Variants in FRA10AC1 observed in about 807,000 individuals in gnomAD.
The protein encoded by FRA10AC1 is protein FRA10AC1.
In FRA10AC1, 43 loss-of-function variants were observed where a neutral mutation model predicts 56.5. The ratio of observed to expected loss-of-function variants is 0.76; its 90% CI spans 0.60 to 0.98. The LOEUF (loss-of-function observed/expected upper bound fraction) is 0.98, where lower values mean the gene tolerates loss of function less well. Among genes scored for constraint, FRA10AC1 ranks in the 50% least tolerant of loss-of-function variants. The pLI is 0.00. For synonymous variants in FRA10AC1, 112 were observed against 110.5 expected (o/e 1.01, Z -0.09); for missense variants, 346 against 351.8 (o/e 0.98, Z 0.13).
intron 10 of FRA10AC1, among the ~76,000 whole-genome samples, chr10:93,682,580 T>A (rs1404736429): frequency 6.6e-6 from 1 of 152,124 alleles, no homozygotes; most frequent in East Asian, 1.9e-4. Flanking sequence ...GCAGGAGGAC[T>A]GCTTGAGTCC....
chr10:93,669,806 G>A lies in FRA10AC1; in HGVS notation c.*20C>T, dbSNP rs368910560. ...TTCATGAAGTTTCACATTAAGGAGCGGAGGCTTCTCTCTCTCGTCTCATAG... is the reference window on the plus strand; with the variant it reads ...TTCATGAAGTTTCACATTAAGGAGCAGAGGCTTCTCTCTCTCGTCTCATAG... On this transcript the variant is annotated 3_prime_UTR_variant, in exon 14 of 14. Coordinates refer to ENST00000359204, the MANE Select transcript of FRA10AC1 (RefSeq NM_145246.5). 111 of 1,520,040 alleles carry A rather than the reference G, an allele frequency of 7.3e-5. 1 individual carries two copies. The highest frequency in any genetic ancestry group is 3.0e-4 in the South Asian group (25 of 83,372). 94.2% of individuals were successfully genotyped at this position (1,520,040 alleles called of 1,614,324 possible).
At chr10:93,699,941 GA>G (rs1564823584) in intron 2 of FRA10AC1, 88 bp downstream of exon 2, 1 of 729,946 alleles carries the variant, frequency 1.4e-6, no homozygotes, top group Non-Finnish European at 2.3e-6. Context: ...CATGTAAACA[GA>G]ATTCAAAAAT....
Position 93,694,937 on chromosome 10 carries a change from A to G in FRA10AC1, c.220T>C (p.Tyr74His). The G allele has an allele frequency of 1.4e-6, 2 of 1,415,544 alleles. No individual in the cohort carries two copies. Among genetic ancestry groups the G allele is most frequent in the Non-Finnish European group, 2.0e-6 (2 of 999,952 alleles). The allele number at this position is 1,415,544 out of a possible 1,614,324, so 87.7% of individuals were successfully genotyped here. The change falls in exon 5 of 14, where the codon TAT becomes CAT. Residue 74 changes from tyrosine (Y) to histidine (H), a missense_variant and splice_region_variant. Coordinates refer to ENST00000359204, the MANE Select transcript of FRA10AC1 (RefSeq NM_145246.5). ...TTTACGAACTTTGTATGTCTTTGAT[A>G]CTGAAATGCAAAAAATTAAGGATTT... The part of the protein sequence containing the change: ...RRFHLIAMDA[Y>H]QRHTKFVNDY...
intron 8 of FRA10AC1, among the ~76,000 whole-genome samples, chr10:93,685,932 A>C (rs1295837116): frequency 6.6e-6 from 1 of 151,882 alleles, no homozygotes; most frequent in Non-Finnish European, 1.5e-5. Context: ...GTCAAACCTG[A>C]TACTCTAAAT....
chr10:93,669,340 TG>T lies in FRA10AC1; in HGVS notation c.*485del. ...ATCCCAGCACTCTGGGAGGCCAGGG[TG>T]GGAGGAATGCATAAGGCCAGGAGTT... On this transcript the variant is annotated 3_prime_UTR_variant, in exon 14 of 14. Coordinates refer to ENST00000359204, the MANE Select transcript of FRA10AC1 (RefSeq NM_145246.5). The T allele has an allele frequency of 6.6e-6, 1 of 152,602 alleles. No individual in the cohort carries two copies. The highest frequency in any genetic ancestry group is 1.5e-5 in the Non-Finnish European group (1 of 68,456). The allele number at this position is 152,602 out of a possible 1,614,324, so 9.5% of individuals were successfully genotyped here.
intron 12 of FRA10AC1, chr10:93,673,255 C>T: frequency 2.2e-6 from 1 of 450,826 alleles, no homozygotes; most frequent in Non-Finnish European, 4.4e-6. Context: ...AATAAGTCTC[C>T]TACATAGTAG....
chr10:93,673,383 T>TAGAA (rs1310650956), intron 12 of FRA10AC1: 1 of 456,362 alleles, frequency 2.2e-6, no homozygotes, highest in African/African-American at 2.0e-5. Context: ...CTTCCTACAA[T>TAGAA]ATAATTTCAA....
intron 11 of FRA10AC1, among the ~76,000 whole-genome samples, chr10:93,677,873 T>C (rs1477744231): frequency 3.3e-5 from 5 of 152,202 alleles, no homozygotes. Context: ...CTTTCAGTCA[T>C]GATTCCAGGA....
intron 11 of FRA10AC1, among the ~76,000 whole-genome samples, chr10:93,679,789 G>A (rs182090387): frequency 8.6e-4 from 131 of 152,290 alleles, no homozygotes; most frequent in African/African-American, 3.1e-3. Context: ...GAACCCGTAA[G>A]GAGAATATAA....
Position 93,669,838 on chromosome 10 carries a change from A to G in FRA10AC1, c.936T>C (p.Asp312=). The part of the protein sequence containing the change: ...QEEEFDEYFQ[D]LFL ...TCTCTCTCTCGTCTCATAGAAACAA[A>G]TCCTGAAAATACTCATCAAATTCTT... The change falls in exon 14 of 14, where the codon GAT becomes GAC. Residue 312 remains aspartate, a synonymous_variant. Transcript: ENST00000359204. 6.3e-7 allele frequency: 1 copy of G among 1,582,794 alleles called. No individual in the cohort carries two copies. The highest frequency in any genetic ancestry group is 8.6e-7 in the Non-Finnish European group (1 of 1,158,886).
intron 4 of FRA10AC1, among the ~76,000 whole-genome samples, chr10:93,696,297 A>T (rs1320035849): frequency 6.6e-6 from 1 of 152,208 alleles, no homozygotes; most frequent in Non-Finnish European, 1.5e-5. Flanking sequence ...GGCACGGACT[A>T]AAAAATCGTC....
intron 8 of FRA10AC1, 63 bp downstream of exon 8, chr10:93,687,341 C>A: frequency 7.9e-7 from 1 of 1,259,118 alleles, no homozygotes; most frequent in South Asian, 1.4e-5. Flanking sequence ...CTTAATGACT[C>A]CAATTCAGTA....
At chr10:93,689,298 C>G (rs1309220138) in intron 7 of FRA10AC1, among the ~76,000 whole-genome samples, 1 of 151,860 alleles carries the variant, frequency 6.6e-6, no homozygotes, top group African/African-American at 2.4e-5. Flanking sequence ...TAATCTATTA[C>G]TTGAATTTGG....
rs145222217 is a variant in FRA10AC1, at chr10:93,683,234, G to A, written c.668+822C>T. On this transcript the variant is annotated intron_variant, in intron 10 of 13. Coordinates refer to ENST00000359204, the MANE Select transcript of FRA10AC1 (RefSeq NM_145246.5). ...TTGCCCAAGAAGAAGCCTAGTAAGCGGAGAAGCTGAGATTAAAAACTGAGG... is the reference window on the plus strand; with the variant it reads ...TTGCCCAAGAAGAAGCCTAGTAAGCAGAGAAGCTGAGATTAAAAACTGAGG... Among the ~76,000 whole-genome samples the A allele has an allele frequency of 1.4e-3, 217 of 152,286 alleles. 1 individual carries two copies. The highest frequency in any genetic ancestry group is 4.3e-3 in the African/African-American group (179 of 41,578).
rs2058720331 is a variant in FRA10AC1, at chr10:93,668,994, A to T, written c.*832T>A. The T allele has an allele frequency of 6.6e-6, 1 of 152,160 alleles. No individual in the cohort carries two copies. The highest frequency in any genetic ancestry group is 2.4e-5 in the African/African-American group (1 of 41,434). The allele number at this position is 152,160 out of a possible 1,614,324, so 9.4% of individuals were successfully genotyped here. ...TCTGCCGGGGAGGCAATTTTTGTGA[A>T]CACATGAACTGTTTTAGACTACTGG... On this transcript the variant is annotated 3_prime_UTR_variant, in exon 14 of 14. Transcript: ENST00000359204.
At chr10:93,680,923 A>G (rs1468468274) in intron 11 of FRA10AC1, among the ~76,000 whole-genome samples, 3 of 152,218 alleles carry the variant, frequency 2.0e-5, no homozygotes. Context: ...GGTGCACAGC[A>G]CCATGCTAGG....
Position 93,693,522 on chromosome 10 carries a change from TATATACACC to T in FRA10AC1, c.297-802_297-794del, listed in dbSNP as rs1368523104. On this transcript the variant is annotated intron_variant, in intron 5 of 13. Coordinates refer to ENST00000359204, the MANE Select transcript of FRA10AC1 (RefSeq NM_145246.5). ...TATATATATATACACCATATATATA[TATATACACC>T]ATATATATATATATATACACACATA... Among the ~76,000 whole-genome samples, 85 of 15,438 alleles carry T rather than the reference TATATACACC, an allele frequency of 5.5e-3. 6 individuals are homozygous for T. The highest frequency in any genetic ancestry group is 0.016 in the East Asian group (6 of 366). 10.1% of individuals were successfully genotyped at this position (15,438 alleles called of 152,430 possible).
intron 12 of FRA10AC1, chr10:93,673,760 C>T (rs2058801997): frequency 6.6e-6 from 3 of 451,646 alleles, no homozygotes; most frequent in Non-Finnish European, 1.3e-5. Flanking sequence ...ACATACTTTA[C>T]ATGTATGTTT....
intron 11 of FRA10AC1, among the ~76,000 whole-genome samples, chr10:93,677,324 G>C (rs1351124112): frequency 2.0e-5 from 3 of 152,140 alleles, no homozygotes; most frequent in African/African-American, 7.2e-5. Context: ...AAAAAGGGCA[G>C]GTGACAGATG....
Sources: gnomAD v4.1 joint callset for allele counts (sites outside exome capture counted in the v4.1 genomes callset) on GRCh38, gnomAD v4.1.1 for gene constraint, MANE v1.5 for transcripts, NCBI Gene and HGNC (gene_info 2026-07-23, HGNC 2026-07-21) for gene names.